RBM6: variants seen among roughly 807,000 people sequenced by gnomAD.
RBM6 encodes the protein RNA-binding protein 6.
Under a neutral mutation model 140.4 loss-of-function variants are expected in RBM6, and 23 were observed. The ratio of observed to expected loss-of-function variants is 0.16; its 90% CI spans 0.12 to 0.23. The LOEUF (loss-of-function observed/expected upper bound fraction) is 0.23. Among genes scored for constraint, RBM6 ranks in the 10% least tolerant of loss-of-function variants. The pLI, the probability that RBM6 is intolerant of heterozygous loss-of-function variation, is 1.00. For missense variants in RBM6, 1,139 were observed against 1,386.7 expected (o/e 0.82, Z 2.84); for synonymous variants, 439 against 475.6 (o/e 0.92, Z 1.00).
At chr3:49,952,462 G>A (rs2084517893) in intron 1 of RBM6, among the ~76,000 whole-genome samples, 1 of 151,482 alleles carries the variant, frequency 6.6e-6, no homozygotes, top group Admixed American at 6.6e-5. Flanking sequence ...ACTGTGCCCA[G>A]CCACTTTTAC....
intron 6 of RBM6, among the ~76,000 whole-genome samples, chr3:50,025,606 TAAGAGACAGGG>T (rs2087761268): frequency 7.1e-6 from 1 of 140,252 alleles, no homozygotes. Flanking sequence ...TTTTTTTTTT[TAAGAGACAGGG>T]TGTCACTATG....
At chr3:49,962,727 A>G (rs911349927) in intron 2 of RBM6, 42 bp downstream of exon 2, 3 of 1,474,350 alleles carry the variant, frequency 2.0e-6, no homozygotes, top group Non-Finnish European at 1.8e-6. Flanking sequence ...CAGTATTTTA[A>G]TTATAAATGT....
chr3:49,945,753 G>T (rs1457666075), intron 1 of RBM6, among the ~76,000 whole-genome samples: 1 of 151,682 alleles, frequency 6.6e-6, no homozygotes, highest in Admixed American at 6.6e-5. Flanking sequence ...GTGGCGGCAT[G>T]CACCTGTAGT....
chr3:50,000,156 A>G (rs2086257128), intron 6 of RBM6, among the ~76,000 whole-genome samples: 1 of 152,110 alleles, frequency 6.6e-6, no homozygotes, highest in African/African-American at 2.4e-5. Context: ...TCAGCTTGCC[A>G]CCTAGATTTT....
At chr3:50,066,094 G>A in intron 16 of RBM6, 148 bp from the exon 17 acceptor site, 1 of 847,440 alleles carries the variant, frequency 1.2e-6, no homozygotes, top group Non-Finnish European at 1.8e-6. Flanking sequence ...TGGCCATGTT[G>A]CTTTCATCTG....
chr3:49,965,923 C>G (rs900524117), intron 2 of RBM6, among the ~76,000 whole-genome samples: 8 of 151,990 alleles, frequency 5.3e-5, no homozygotes, highest in Non-Finnish European at 1.0e-4. Flanking sequence ...GTCAAGAGTT[C>G]AAGACCAGCC....
At position 50,051,905 on chromosome 3, in the gene RBM6, T is replaced by G. The variant is rs569354568; in HGVS notation, c.1633-2430T>G. Among the ~76,000 whole-genome samples, 10 of 152,330 alleles carry G rather than the reference T, an allele frequency of 6.6e-5. No individual in the cohort carries two copies. The South Asian group carries it at 2.1e-3, about 32-fold the overall frequency. On this transcript the variant is annotated intron_variant, in intron 7 of 20. Coordinates refer to ENST00000266022, the MANE Select transcript of RBM6 (RefSeq NM_005777.3). Reference sequence around the variant, plus strand: ...ATGCCAGACACAGAAGACCATACATTGCACAATTCCATGTCCCTAGGGGTA... The same window carrying G: ...ATGCCAGACACAGAAGACCATACATGGCACAATTCCATGTCCCTAGGGGTA...
rs749745897 is a variant in RBM6 at position 50,057,904 on chromosome 3, A to G, written c.1870A>G (p.Arg624Gly). ...RLGHQKREAE[R>G]YLPPSRREGP... is the part of the protein sequence containing the mutation. ...AGGACATCAAAAGAGAGAAGCAGAA[A>G]GGTATCTGCCTCCTTCTCGAAGGGA... The change falls in exon 9 of 21, where the codon AGG becomes GGG. Residue 624 changes from arginine (R) to glycine (G), a missense_variant. Arg to Gly is a moderately radical substitution (Grantham distance 125). Transcript: ENST00000266022. 1.9e-6 allele frequency: 3 copies of G among 1,614,080 alleles called. No individual in the cohort carries two copies. The highest frequency in any genetic ancestry group is 3.3e-5 in the Admixed American group (2 of 60,004).
At chr3:49,945,648 T>C (rs1387316027) in intron 1 of RBM6, among the ~76,000 whole-genome samples, 1 of 151,920 alleles carries the variant, frequency 6.6e-6, no homozygotes, top group Non-Finnish European at 1.5e-5. Flanking sequence ...TTTGGGAGGC[T>C]GAGGCAGGCG....
chr3:49,968,824 A>G lies in RBM6; in HGVS notation c.1323+76A>G, dbSNP rs1446582346. 3.6e-6 allele frequency: 5 copies of G among 1,407,214 alleles called. No homozygotes were observed. The East Asian group carries it at 1.0e-4, about 28-fold the overall frequency. 87.2% of individuals were successfully genotyped at this position (1,407,214 alleles called of 1,614,324 possible). On this transcript the variant is annotated intron_variant, in intron 3 of 20. Transcript: ENST00000266022. ...GAGACGGAGTCTCGCTCTGTTGCCCAGCCTGGAGTGCAGTGGTGCGATCTC... is the reference window on the plus strand; with the variant it reads ...GAGACGGAGTCTCGCTCTGTTGCCCGGCCTGGAGTGCAGTGGTGCGATCTC...
At chr3:49,941,002 C>G (rs1209246833) in intron 1 of RBM6, 1 of 149,002 alleles carries the variant, frequency 6.7e-6, no homozygotes, top group East Asian at 2.0e-4. Context: ...GTCAGAGTAG[C>G]CGGATTTAAG....
chr3:50,021,538 G>A (rs1014405381), intron 6 of RBM6, among the ~76,000 whole-genome samples: 1 of 152,086 alleles, frequency 6.6e-6, no homozygotes. Flanking sequence ...TGCTCAAGAG[G>A]CTGAGGCACG....
intron 6 of RBM6, chr3:50,046,979 T>A (rs1032091646): frequency 6.1e-6 from 1 of 163,582 alleles, no homozygotes; most frequent in African/African-American, 2.4e-5. Flanking sequence ...TGGCTCTTAG[T>A]AAGTGCTTAA....
intron 1 of RBM6, among the ~76,000 whole-genome samples, chr3:49,957,764 C>A (rs940865187): frequency 6.6e-5 from 10 of 151,634 alleles, no homozygotes; most frequent in South Asian, 4.2e-4. Context: ...GTAGGAGTTA[C>A]AAAGCAAAAT....
At chr3:49,984,583 G>A (rs936170188) in intron 5 of RBM6, among the ~76,000 whole-genome samples, 3 of 146,306 alleles carry the variant, frequency 2.1e-5, no homozygotes, top group Non-Finnish European at 3.0e-5. Context: ...CCTGTCTAAC[G>A]TGACATCACA....
Position 50,017,486 on chromosome 3 carries a change from A to G in RBM6, c.1557+17973A>G, listed in dbSNP as rs561789262. ...GGCAGGAGAATGGCGTGAACCCAGG[A>G]GGTGGAGCGTGCAGTGAGCCAAGAT... On this transcript the variant is annotated intron_variant, in intron 6 of 20. Coordinates refer to ENST00000266022, the MANE Select transcript of RBM6 (RefSeq NM_005777.3). 2.0e-5 allele frequency among the ~76,000 whole-genome samples: 3 copies of G among 150,934 alleles called. No individual in the cohort carries two copies. The East Asian group carries it at 5.9e-4, about 30-fold the overall frequency.
chr3:49,966,262 T>C (rs970647828), intron 2 of RBM6, among the ~76,000 whole-genome samples: 4 of 152,272 alleles, frequency 2.6e-5, no homozygotes, highest in African/African-American at 9.6e-5. Context: ...TGATAGACCC[T>C]GTATGTTCTG....
At chr3:49,993,704 A>T (rs535541227) in intron 5 of RBM6, among the ~76,000 whole-genome samples, 138 of 106,786 alleles carry the variant, frequency 1.3e-3, no homozygotes, top group African/African-American at 3.7e-3. Context: ...ATTTTTCTTT[A>T]AAAAAAAAAA....
At position 50,039,942 on chromosome 3, in the gene RBM6, C is replaced by T. The variant is rs969701363; in HGVS notation, c.1558-8303C>T. 9.9e-5 allele frequency among the ~76,000 whole-genome samples: 15 copies of T among 152,188 alleles called. No homozygotes were observed. In the Middle Eastern group the frequency reaches 0.014, roughly 138 times the overall value. On this transcript the variant is annotated intron_variant, in intron 6 of 20. Coordinates refer to ENST00000266022, the MANE Select transcript of RBM6 (RefSeq NM_005777.3). ...TAATGGAACCTTAGAATAGGAGAGACGTGTGGATCCCCTGGTAGGCACTGT... is the reference window on the plus strand; with the variant it reads ...TAATGGAACCTTAGAATAGGAGAGATGTGTGGATCCCCTGGTAGGCACTGT...
Sources: gnomAD v4.1 joint callset for allele counts (sites outside exome capture counted in the v4.1 genomes callset) on GRCh38, gnomAD v4.1.1 for gene constraint, MANE v1.5 for transcripts, NCBI Gene and HGNC (gene_info 2026-07-23, HGNC 2026-07-21) for gene names.